Variants in CCDC102B observed in about 807,000 individuals in gnomAD.
CCDC102B encodes coiled-coil domain-containing protein 102B.
Under a neutral mutation model 57.4 loss-of-function variants are expected in CCDC102B, and 75 were observed. The observed-to-expected ratio is 1.31, with a 90% CI of 1.08 to 1.58. CCDC102B has a LOEUF of 1.58. Among genes scored for constraint, CCDC102B ranks in the 40% most tolerant of loss-of-function variants. The pLI, the probability that CCDC102B is intolerant of heterozygous loss-of-function variation, is 0.00. For missense variants in CCDC102B, 636 were observed against 582.6 expected, an observed-to-expected ratio of 1.09 and a Z score of -0.94; for synonymous variants, 206 against 201.9, an observed-to-expected ratio of 1.02 and a Z score of -0.17.
chr18:69,054,617 G>A lies in CCDC102B; in HGVS notation c.*480G>A. The A allele has an allele frequency of 9.2e-6, 9 of 981,166 alleles. No individual in the cohort carries two copies. The highest frequency in any genetic ancestry group is 1.1e-5 in the Non-Finnish European group (9 of 826,132). The allele number at this position is 981,166 out of a possible 1,614,324, so 60.8% of individuals were successfully genotyped here. A position where few individuals can be genotyped will look rare whatever the true frequency, so the allele number is the denominator to read the frequency against. The stretch of plus-strand genomic sequence containing the variant: ...AACAAAAATGAATCATTCTAGAGGT[G>A]TAACAATACATTTCTTATATAATTT... On this transcript the variant is annotated 3_prime_UTR_variant, in exon 8 of 8. Coordinates refer to ENST00000360242, the MANE Select transcript of CCDC102B (RefSeq NM_024781.3).
At chr18:68,829,006 T>C (rs1377675044) in intron 1 of CCDC102B, among the ~76,000 whole-genome samples, 6 of 151,962 alleles carry the variant, frequency 3.9e-5, no homozygotes, top group Non-Finnish European at 8.8e-5. Context: ...AGCTTTCTTA[T>C]GTCTGGTCTT....
upstream of CCDC102B, among the ~76,000 whole-genome samples, chr18:68,795,631 T>A (rs535436922): frequency 2.2e-3 from 334 of 152,262 alleles, no homozygotes; most frequent in African/African-American, 7.7e-3. Flanking sequence ...CCCCTGTGCG[T>A]TTTGTCTAAA....
intron 7 of CCDC102B, among the ~76,000 whole-genome samples, chr18:69,022,657 G>A (rs2051877105): frequency 6.6e-6 from 1 of 151,948 alleles, no homozygotes; most frequent in African/African-American, 2.4e-5. Flanking sequence ...TTCTTTTTAT[G>A]TATTTATGTA....
chr18:68,818,876 A>G (rs1262489651), intron 1 of CCDC102B, among the ~76,000 whole-genome samples: 1 of 152,160 alleles, frequency 6.6e-6, no homozygotes, highest in Non-Finnish European at 1.5e-5. Flanking sequence ...GTAACATATA[A>G]TGTAAGAACT....
chr18:69,038,659 G>A lies in CCDC102B; in HGVS notation c.1435-15371G>A, dbSNP rs1489122687. On this transcript the variant is annotated intron_variant, in intron 7 of 7. Transcript: ENST00000360242. ...ATTTCCTTCCAACCATGTCTATTAAGTCACATATTTCATATCCATCTCTAT... is the reference window on the plus strand; with the variant it reads ...ATTTCCTTCCAACCATGTCTATTAAATCACATATTTCATATCCATCTCTAT... Among the ~76,000 whole-genome samples, 6 of 151,888 alleles carry A rather than the reference G, an allele frequency of 4.0e-5. No homozygotes were observed. In the South Asian group the frequency reaches 6.2e-4, roughly 16 times the overall value.
chr18:68,758,724 G>A (rs1599418373), intron 2 of CCDC102B, among the ~76,000 whole-genome samples: 1 of 148,702 alleles, frequency 6.7e-6, no homozygotes. Context: ...TTGAGAAATA[G>A]CTCCTGGCTT....
At chr18:68,850,339 C>T (rs1243550320) in intron 4 of CCDC102B, among the ~76,000 whole-genome samples, 2 of 152,046 alleles carry the variant, frequency 1.3e-5, no homozygotes, top group African/African-American at 4.8e-5. Context: ...GTTTGGCTTA[C>T]ATCGGGAGAG....
intron 2 of CCDC102B, among the ~76,000 whole-genome samples, chr18:68,745,741 G>A (rs1039017274): frequency 3.3e-5 from 5 of 151,794 alleles, no homozygotes; most frequent in African/African-American, 7.3e-5. Context: ...CATGCCTCCC[G>A]CCCTTTTCCA....
At chr18:68,933,095 CATAA>C (rs2041731734) in intron 6 of CCDC102B, among the ~76,000 whole-genome samples, 2 of 118,178 alleles carry the variant, frequency 1.7e-5, no homozygotes, top group Admixed American at 8.9e-5. Context: ...ATTTACTCCT[CATAA>C]AAAAAAAAAT....
At chr18:68,768,885 A>G (rs1166231752) in intron 2 of CCDC102B, among the ~76,000 whole-genome samples, 1 of 152,148 alleles carries the variant, frequency 6.6e-6, no homozygotes, top group Non-Finnish European at 1.5e-5. Flanking sequence ...TATAACAAGT[A>G]ATGGAAGTTA....
intron 2 of CCDC102B, among the ~76,000 whole-genome samples, chr18:68,759,552 A>AT: frequency 6.6e-6 from 1 of 152,266 alleles, no homozygotes; most frequent in Non-Finnish European, 1.5e-5. Flanking sequence ...GCCAGAAGAC[A>AT]ATGGAACAAT....
At chr18:68,732,070 T>G (rs1465535186) in intron 2 of CCDC102B, among the ~76,000 whole-genome samples, 2 of 150,192 alleles carry the variant, frequency 1.3e-5, no homozygotes, top group Non-Finnish European at 1.5e-5. Flanking sequence ...ACTTTATTCA[T>G]GTTGATATAT....
chr18:68,809,213 T>G (rs2036153431), intron 1 of CCDC102B, among the ~76,000 whole-genome samples: 1 of 152,176 alleles, frequency 6.6e-6, no homozygotes. Flanking sequence ...TTACCATGGG[T>G]GGGTGAAAGC....
At chr18:68,738,459 T>A (rs904504421) in intron 2 of CCDC102B, among the ~76,000 whole-genome samples, 3 of 152,120 alleles carry the variant, frequency 2.0e-5, no homozygotes, top group Non-Finnish European at 4.4e-5. Flanking sequence ...TCTGATATAA[T>A]CATTTCCAAA....
At chr18:68,798,307 G>T (rs2035707421) in intron 1 of CCDC102B, 126 bp downstream of exon 1, 1 of 152,126 alleles carries the variant, frequency 6.6e-6, no homozygotes, top group African/African-American at 2.4e-5. Context: ...CTACTGTAGA[G>T]CTGGGAAGCA....
intron 6 of CCDC102B, among the ~76,000 whole-genome samples, chr18:68,957,852 T>C (rs1030554254): frequency 2.6e-5 from 4 of 152,184 alleles, no homozygotes; most frequent in Non-Finnish European, 5.9e-5. Context: ...TAGACTTTTA[T>C]TTTTATATAT....
At chr18:68,821,215 A>G (rs1487235541) in intron 1 of CCDC102B, among the ~76,000 whole-genome samples, 1 of 152,098 alleles carries the variant, frequency 6.6e-6, no homozygotes, top group Non-Finnish European at 1.5e-5. Flanking sequence ...CACTAAAAAT[A>G]AATTAGCCTC....
intron 6 of CCDC102B, among the ~76,000 whole-genome samples, chr18:68,911,673 A>C (rs2040866872): frequency 3.0e-5 from 4 of 134,780 alleles, no homozygotes; most frequent in African/African-American, 6.0e-5. Context: ...AATGGCGTGA[A>C]CCCGGGAGGC....
intron 7 of CCDC102B, among the ~76,000 whole-genome samples, chr18:69,027,884 C>T (rs146398335): frequency 5.5e-4 from 83 of 152,160 alleles, no homozygotes; most frequent in Non-Finnish European, 1.0e-3. Context: ...GAATATGTTG[C>T]CCTGATCTCC....
Sources: allele counts gnomAD v4.1 joint callset (sites outside exome capture counted in the v4.1 genomes callset), GRCh38; gene constraint gnomAD v4.1.1; transcripts MANE v1.5; gene names NCBI Gene and HGNC (gene_info 2026-07-23, HGNC 2026-07-21).